CTTNBP2: variants seen among roughly 807,000 people sequenced by gnomAD.
CTTNBP2 encodes cortactin binding protein 2, also known as cortactin-binding protein 2.
Under a neutral mutation model 156.9 loss-of-function variants are expected in CTTNBP2, and 108 were observed. The ratio of observed to expected loss-of-function variants is 0.69; its 90% CI spans 0.59 to 0.81. The LOEUF is 0.81. Among genes scored for constraint, CTTNBP2 ranks in the 30% least tolerant of loss-of-function variants. The pLI is 0.00. For synonymous variants in CTTNBP2, 767 were observed against 751.8 expected, an observed-to-expected ratio of 1.02 and a Z score of -0.33; for missense variants, 1,924 against 2,035.4, an observed-to-expected ratio of 0.95 and a Z score of 1.05.
intron 3 of CTTNBP2, among the ~76,000 whole-genome samples, chr7:117,806,744 A>ATTTTTTTTT (rs3059529): frequency 8.4e-6 from 1 of 119,226 alleles, no homozygotes; most frequent in Non-Finnish European, 1.7e-5. Context: ...TCTTTTTCTC[A>ATTTTTTTTT]TTTTTTTTTT....
intron 2 of CTTNBP2, among the ~76,000 whole-genome samples, chr7:117,822,964 T>A (rs1047518185): frequency 6.6e-6 from 1 of 152,256 alleles, no homozygotes; most frequent in South Asian, 2.1e-4. Flanking sequence ...ATTGTCTATT[T>A]GTTTTTAATT....
intron 14 of CTTNBP2, among the ~76,000 whole-genome samples, chr7:117,738,148 C>T (rs984830889): frequency 1.3e-5 from 2 of 152,192 alleles, no homozygotes; most frequent in African/African-American, 2.4e-5. Flanking sequence ...GACCCATCCC[C>T]AGTGATTCTC....
chr7:117,765,595 T>C (rs1009144394), intron 9 of CTTNBP2, among the ~76,000 whole-genome samples: 2 of 152,182 alleles, frequency 1.3e-5, no homozygotes, highest in Admixed American at 6.5e-5. Context: ...ATAGAAATTA[T>C]ACTCAGGTCT....
intron 1 of CTTNBP2, among the ~76,000 whole-genome samples, chr7:117,864,172 G>A (rs1347931446): frequency 1.3e-5 from 2 of 151,998 alleles, no homozygotes; most frequent in Admixed American, 1.3e-4. Flanking sequence ...GTTTTTCTAT[G>A]TATTACCATC....
At chr7:117,822,685 G>A (rs1212380487) in intron 2 of CTTNBP2, among the ~76,000 whole-genome samples, 6 of 152,276 alleles carry the variant, frequency 3.9e-5, no homozygotes, top group East Asian at 1.9e-4. Context: ...AGCTAACTGC[G>A]ACTGATTTCT....
At chr7:117,869,860 T>C (rs1375816102) in intron 1 of CTTNBP2, among the ~76,000 whole-genome samples, 2 of 151,964 alleles carry the variant, frequency 1.3e-5, no homozygotes, top group East Asian at 3.8e-4. Context: ...GGAAAAATAT[T>C]CCAGTCAATT....
chr7:117,839,893 C>T (rs1288295727), intron 2 of CTTNBP2, among the ~76,000 whole-genome samples: 10 of 152,146 alleles, frequency 6.6e-5, no homozygotes, highest in Admixed American at 6.6e-4. Context: ...ACTCTCCCTA[C>T]TAATAATAAA....
chr7:117,727,205 T>G (rs1444789008), intron 17 of CTTNBP2, among the ~76,000 whole-genome samples: 2 of 152,158 alleles, frequency 1.3e-5, no homozygotes, highest in African/African-American at 4.8e-5. Context: ...TACATATACT[T>G]TTTAGAGACA....
chr7:117,816,563 G>T (rs1800587005), intron 2 of CTTNBP2, among the ~76,000 whole-genome samples: 1 of 152,020 alleles, frequency 6.6e-6, no homozygotes, highest in Non-Finnish European at 1.5e-5. Flanking sequence ...ATGTCAAAAG[G>T]TTCAGAGTTT....
At chr7:117,796,304 A>T (rs2116888828) in intron 3 of CTTNBP2, among the ~76,000 whole-genome samples, 1 of 152,346 alleles carries the variant, frequency 6.6e-6, no homozygotes, top group Middle Eastern at 3.4e-3. Flanking sequence ...ATCACATTAT[A>T]TAAGCACAGT....
chr7:117,786,518 G>A (rs1053144152), intron 4 of CTTNBP2: 8 of 372,196 alleles, frequency 2.1e-5, no homozygotes, highest in Non-Finnish European at 4.2e-5. Flanking sequence ...TAAACACGAA[G>A]GCATAAAACC....
intron 8 of CTTNBP2, among the ~76,000 whole-genome samples, chr7:117,771,616 G>A (rs528444829): frequency 1.6e-4 from 24 of 152,254 alleles, no homozygotes; most frequent in Non-Finnish European, 2.9e-4. Flanking sequence ...GAAAGATTAC[G>A]CTGGAAAGGA....
intron 8 of CTTNBP2, among the ~76,000 whole-genome samples, chr7:117,772,964 C>A (rs142925576): frequency 6.6e-6 from 1 of 151,848 alleles, no homozygotes; most frequent in Non-Finnish European, 1.5e-5. Flanking sequence ...CTTCACTGAA[C>A]ATTACAGGGA....
intron 1 of CTTNBP2, among the ~76,000 whole-genome samples, chr7:117,870,697 A>G (rs117557711): frequency 3.0e-3 from 464 of 152,340 alleles, no homozygotes; most frequent in Non-Finnish European, 5.5e-3. Flanking sequence ...TGCCTTATCC[A>G]TTAGGAGTTA....
intron 17 of CTTNBP2, among the ~76,000 whole-genome samples, chr7:117,725,571 G>T (rs2116422603): frequency 6.6e-6 from 1 of 152,246 alleles, no homozygotes; most frequent in East Asian, 1.9e-4. Flanking sequence ...TTTAAAGACT[G>T]AAAAAATCTG....
chr7:117,833,348 T>C (rs1337975037), intron 2 of CTTNBP2, among the ~76,000 whole-genome samples: 1 of 152,234 alleles, frequency 6.6e-6, no homozygotes, highest in Non-Finnish European at 1.5e-5. Context: ...GCCTCCTGTT[T>C]CTAGCAATCT....
intron 3 of CTTNBP2, among the ~76,000 whole-genome samples, chr7:117,802,610 A>G (rs987702893): frequency 1.3e-5 from 2 of 152,134 alleles, no homozygotes; most frequent in African/African-American, 4.8e-5. Context: ...ACTCTAAAAG[A>G]TAAGAGAAAA....
intron 2 of CTTNBP2, among the ~76,000 whole-genome samples, chr7:117,849,256 C>G (rs1270075375): frequency 6.6e-6 from 1 of 152,166 alleles, no homozygotes; most frequent in Non-Finnish European, 1.5e-5. Flanking sequence ...TATGAGTGAC[C>G]GTCCTTTGGA....
intron 14 of CTTNBP2, among the ~76,000 whole-genome samples, chr7:117,738,995 C>T (rs1281866739): frequency 6.6e-6 from 1 of 152,136 alleles, no homozygotes; most frequent in Non-Finnish European, 1.5e-5. Context: ...TCCACTTCAT[C>T]TTTATCTTGG....
Sources: gnomAD v4.1 joint callset for allele counts (sites outside exome capture counted in the v4.1 genomes callset) on GRCh38, gnomAD v4.1.1 for gene constraint, MANE v1.5 for transcripts, NCBI Gene and HGNC (gene_info 2026-07-23, HGNC 2026-07-21) for gene names.